COX7B2: variants seen among roughly 807,000 people sequenced by gnomAD.
COX7B2 encodes cytochrome c oxidase subunit 7B2, also known as cytochrome c oxidase subunit 7B2, mitochondrial.
For missense variants in COX7B2, 109 were observed against 95.9 expected (o/e 1.14, Z -0.57); for synonymous variants, 37 against 32.1 (o/e 1.15, Z -0.51).
chr4:46,852,645 T>G (rs780066095), intron 1 of COX7B2, among the ~76,000 whole-genome samples: 6 of 152,116 alleles, frequency 3.9e-5, no homozygotes, highest in African/African-American at 4.8e-5. Flanking sequence ...TTCATTAAAA[T>G]TTGTTTGTAA....
intron 2 of COX7B2, among the ~76,000 whole-genome samples, chr4:46,791,334 A>G (rs1035637560): frequency 6.6e-6 from 1 of 152,154 alleles, no homozygotes; most frequent in African/African-American, 2.4e-5. Context: ...TTTAAGTAGA[A>G]ATAACATGAG....
At chr4:46,795,155 T>C (rs1173616658) in intron 2 of COX7B2, among the ~76,000 whole-genome samples, 4 of 132,254 alleles carry the variant, frequency 3.0e-5, no homozygotes, top group Non-Finnish European at 6.2e-5. Flanking sequence ...AGGTTGCCTG[T>C]TCACTCTGAT....
At chr4:46,776,434 G>C (rs777740501) in intron 2 of COX7B2, among the ~76,000 whole-genome samples, 8 of 151,718 alleles carry the variant, frequency 5.3e-5, no homozygotes, top group African/African-American at 9.7e-5. Flanking sequence ...CTGTGTGTCT[G>C]TGTGTCTGTG....
intron 2 of COX7B2, among the ~76,000 whole-genome samples, chr4:46,815,147 GCCTAGGC>G (rs1719484744): frequency 6.7e-6 from 1 of 149,318 alleles, no homozygotes; most frequent in Non-Finnish European, 1.5e-5. Flanking sequence ...GATTGCACCA[GCCTAGGC>G]GACAGATCGA....
At chr4:46,838,672 T>C (rs1276623444) in intron 2 of COX7B2, among the ~76,000 whole-genome samples, 5 of 152,026 alleles carry the variant, frequency 3.3e-5, no homozygotes, top group Admixed American at 3.3e-4. Context: ...TAAGGCACAC[T>C]GAAGATGGTC....
At chr4:46,755,385 CTCTAA>C (rs1408447981) in intron 2 of COX7B2, among the ~76,000 whole-genome samples, 1 of 151,868 alleles carries the variant, frequency 6.6e-6, no homozygotes, top group Non-Finnish European at 1.5e-5. Context: ...TTCTAATTCC[CTCTAA>C]TCTAAGTTCT....
At chr4:46,899,771 G>T (rs1053185770) in intron 1 of COX7B2, among the ~76,000 whole-genome samples, 1 of 152,008 alleles carries the variant, frequency 6.6e-6, no homozygotes, top group African/African-American at 2.4e-5. Context: ...AATTACACAG[G>T]CATTTTTGAC....
At chr4:46,816,781 G>A (rs1195551994) in intron 2 of COX7B2, among the ~76,000 whole-genome samples, 1 of 152,130 alleles carries the variant, frequency 6.6e-6, no homozygotes, top group Non-Finnish European at 1.5e-5. Flanking sequence ...TATAGCTGAG[G>A]TTGTATGTAG....
intron 2 of COX7B2, among the ~76,000 whole-genome samples, chr4:46,801,870 T>C (rs1039319419): frequency 2.0e-5 from 3 of 152,152 alleles, no homozygotes; most frequent in Admixed American, 6.5e-5. Flanking sequence ...AAGAAAATAC[T>C]GAATTAAAAT....
intron 1 of COX7B2, among the ~76,000 whole-genome samples, chr4:46,881,011 A>G (rs1434584802): frequency 1.3e-5 from 2 of 148,854 alleles, no homozygotes; most frequent in South Asian, 4.3e-4. Context: ...AAAAAAAAAA[A>G]CTCTTGGATT....
intron 1 of COX7B2, among the ~76,000 whole-genome samples, chr4:46,892,552 T>C (rs1198655744): frequency 6.6e-6 from 1 of 152,168 alleles, no homozygotes; most frequent in Non-Finnish European, 1.5e-5. Flanking sequence ...CTTGGGGTAC[T>C]TGACAAGGTG....
intron 2 of COX7B2, among the ~76,000 whole-genome samples, chr4:46,817,954 G>A (rs899605997): frequency 1.3e-5 from 2 of 152,108 alleles, no homozygotes; most frequent in Non-Finnish European, 2.9e-5. Flanking sequence ...CACAGAAAAG[G>A]AACTGATTAG....
At chr4:46,840,294 T>C (rs1715845271) in intron 2 of COX7B2, among the ~76,000 whole-genome samples, 1 of 151,992 alleles carries the variant, frequency 6.6e-6, no homozygotes, top group African/African-American at 2.4e-5. Flanking sequence ...TGTCACTGGA[T>C]AGAATTATGG....
In COX7B2 at chr4:46,894,379, A is replaced by T. The variant is rs192098098; in HGVS notation, c.-105+14781T>A. Among the ~76,000 whole-genome samples the T allele has an allele frequency of 3.9e-5, 6 of 152,278 alleles. No homozygotes were observed. The East Asian group carries it at 9.7e-4, about 25-fold the overall frequency. ...ATCTTTAACAAACCTGACAAAAGCA[A>T]ACAATGAGGAAAAGACCCCCTATTC... On this transcript the variant is annotated intron_variant, in intron 1 of 2. Transcript: ENST00000355591.
chr4:46,823,921 A>G (rs943828609), intron 2 of COX7B2, among the ~76,000 whole-genome samples: 1 of 151,958 alleles, frequency 6.6e-6, no homozygotes, highest in African/African-American at 2.4e-5. Flanking sequence ...AAAAGAAGAC[A>G]TCATTCTGGA....
At chr4:46,819,134 A>ATAGATT (rs1461002457) in intron 2 of COX7B2, among the ~76,000 whole-genome samples, 2 of 152,210 alleles carry the variant, frequency 1.3e-5, no homozygotes, top group African/African-American at 4.8e-5. Context: ...CTGATAGGTG[A>ATAGATT]TAGATTTTCT....
At position 46,852,646 on chromosome 4, in the gene COX7B2, T is replaced by G. The variant is rs533550767; in HGVS notation, c.-104-7632A>C. 7.9e-5 allele frequency among the ~76,000 whole-genome samples: 12 copies of G among 152,226 alleles called. No homozygotes were observed. In the South Asian group the frequency reaches 2.3e-3, roughly 29 times the overall value. On this transcript the variant is annotated intron_variant, in intron 1 of 2. Coordinates refer to ENST00000355591, the MANE Select transcript of COX7B2 (RefSeq NM_130902.3). The stretch of plus-strand genomic sequence containing the variant: ...CACAAATTGACCTATTCATTAAAAT[T>G]TGTTTGTAACCCCAAAATCAAATCA...
chr4:46,908,952 G>A (rs1414585408), intron 1 of COX7B2, among the ~76,000 whole-genome samples: 3 of 152,076 alleles, frequency 2.0e-5, no homozygotes, highest in Non-Finnish European at 4.4e-5. Context: ...GCTGAGGCAG[G>A]AGAATGGCGT....
intron 2 of COX7B2, among the ~76,000 whole-genome samples, chr4:46,747,280 C>CTATTT (rs113440373): frequency 0.064 from 6,506 of 102,388 alleles, 336 homozygotes; most frequent in African/African-American, 0.16. Flanking sequence ...CATTAAGCTC[C>CTATTT]TATTTTATTT....
Sources: gnomAD v4.1 joint callset for allele counts (sites outside exome capture counted in the v4.1 genomes callset) on GRCh38, gnomAD v4.1.1 for gene constraint, MANE v1.5 for transcripts, NCBI Gene and HGNC (gene_info 2026-07-23, HGNC 2026-07-21) for gene names.